Variants in RGS3 observed in about 807,000 individuals in gnomAD.
RGS3 encodes regulator of G protein signaling 3.
Under a neutral mutation model 132.6 loss-of-function variants are expected in RGS3, and 80 were observed. That is an observed-to-expected ratio of 0.60 (90% CI 0.50 to 0.73). The LOEUF (loss-of-function observed/expected upper bound fraction) is 0.73, where lower values mean the gene tolerates loss of function less well. Ranked by LOEUF, RGS3 falls within the 30% of genes least tolerant of loss-of-function variation. RGS3 has a pLI of 0.00. For synonymous variants in RGS3, 598 were observed against 620.6 expected (o/e 0.96, Z 0.54); for missense variants, 1,382 against 1,530.8 (o/e 0.90, Z 1.62).
chr9:113,501,352 C>T (rs925646206), intron 10 of RGS3: 10 of 1,254,606 alleles, frequency 8.0e-6, no homozygotes, highest in African/African-American at 1.5e-5. Flanking sequence ...ATAAAACTCT[C>T]CCTCTTCCTT....
upstream of RGS3, among the ~76,000 whole-genome samples, chr9:113,457,765 A>C (rs1008291243): frequency 1.3e-5 from 2 of 152,212 alleles, no homozygotes; most frequent in African/African-American, 4.8e-5. Context: ...CTGAAAGCAA[A>C]TGGTGGGCCA....
At chr9:113,466,575 G>A (rs533823706) in intron 3 of RGS3, among the ~76,000 whole-genome samples, 2 of 152,240 alleles carry the variant, frequency 1.3e-5, no homozygotes, top group African/African-American at 2.4e-5. Flanking sequence ...GCAAGCTGAG[G>A]CTAGGACCCA....
At chr9:113,538,191 G>A (rs900531589) in intron 19 of RGS3, among the ~76,000 whole-genome samples, 14 of 152,350 alleles carry the variant, frequency 9.2e-5, no homozygotes, top group South Asian at 2.1e-4. Context: ...CTGGTATGCA[G>A]TAGGCACTCA....
At position 113,492,535 on chromosome 9, in the gene RGS3, C is replaced by T. The variant is rs545662091; in HGVS notation, c.690-3251C>T. Among the ~76,000 whole-genome samples the T allele has an allele frequency of 7.4e-4, 112 of 152,244 alleles. 1 individual carries two copies. The highest frequency in any genetic ancestry group is 2.4e-3 in the African/African-American group (100 of 41,552). On this transcript the variant is annotated intron_variant, in intron 7 of 24. Coordinates refer to ENST00000350696, the Ensembl canonical transcript of RGS3. ...TTGCCCAGTGCCTGCCAACCGTGGA[C>T]GTGATGGATTCATCCATTTGTCAAG...
In RGS3 at chr9:113,575,475, G is replaced by C. The variant is rs1408342943; in HGVS notation, c.2038-7975G>C. Among the ~76,000 whole-genome samples, 3 of 152,248 alleles carry C rather than the reference G, an allele frequency of 2.0e-5. No homozygotes were observed. In the East Asian group the frequency reaches 5.8e-4, roughly 29 times the overall value. ...TCCTGCAGTGGGGCCTCTGTTTAGG[G>C]AACGTGAATGGGCAGCTGCCTCCAG... On this transcript the variant is annotated intron_variant, in intron 19 of 24. Transcript: ENST00000350696.
rs1381769881 is a variant in RGS3, at chr9:113,565,913, G to GTGTGTC, written c.2038-17534_2038-17533insGTCTGT. Among the ~76,000 whole-genome samples the GTGTGTC allele has an allele frequency of 5.9e-4, 85 of 144,512 alleles. No homozygotes were observed. Among genetic ancestry groups the GTGTGTC allele is most frequent in the African/African-American group, 1.8e-3 (71 of 38,552 alleles). The allele number at this position is 144,512 out of a possible 152,430, so 94.8% of individuals were successfully genotyped here. On this transcript the variant is annotated intron_variant, in intron 19 of 24. Coordinates refer to ENST00000350696, the Ensembl canonical transcript of RGS3. This position sits in a 1 kb window ranked among gnomAD's most constrained non-coding sequence, Gnocchi z 5.7. ...TGTGTGTGTGTGTGTGTGTGTGTGT[G>GTGTGTC]TGTCTGTCTGTCTGTCTGTCTCAGG...
intron 3 of RGS3, among the ~76,000 whole-genome samples, chr9:113,466,903 G>A (rs1829661375): frequency 6.6e-6 from 1 of 151,980 alleles, no homozygotes; most frequent in Admixed American, 6.5e-5. Context: ...CGAGCCCAAA[G>A]CAATTGCTAA....
At chr9:113,526,733 T>C (rs532518331) in intron 17 of RGS3, among the ~76,000 whole-genome samples, 30 of 152,308 alleles carry the variant, frequency 2.0e-4, no homozygotes, top group African/African-American at 6.0e-4. Flanking sequence ...CAGCCCGTGA[T>C]TGGGGATCCC....
chr9:113,540,103 C>T (rs535737747), intron 19 of RGS3, among the ~76,000 whole-genome samples: 17 of 152,052 alleles, frequency 1.1e-4, no homozygotes, highest in Admixed American at 9.2e-4. Context: ...TCATCACCCG[C>T]TCCTTCCTTT....
chr9:113,593,982 G>C (rs770238039), intron 21 of RGS3: 2 of 1,613,046 alleles, frequency 1.2e-6, no homozygotes, highest in Non-Finnish European at 1.7e-6. Flanking sequence ...CGGCCCCAGA[G>C]GCTGTCCCTT....
At chr9:113,523,770 G>A (rs147150137) in intron 17 of RGS3, among the ~76,000 whole-genome samples, 12 of 152,180 alleles carry the variant, frequency 7.9e-5, no homozygotes, top group Non-Finnish European at 1.6e-4. Flanking sequence ...CAACAGACCC[G>A]TTTGAGGATG....
chr9:113,590,784 C>T (rs913337338), intron 20 of RGS3, among the ~76,000 whole-genome samples: 17 of 152,086 alleles, frequency 1.1e-4, no homozygotes, highest in African/African-American at 3.6e-4. Context: ...TAGATCCAGT[C>T]GTGTTACGGA....
chr9:113,580,966 G>A, intron 19 of RGS3: 1 of 981,002 alleles, frequency 1.0e-6, no homozygotes, highest in Non-Finnish European at 1.2e-6. Flanking sequence ...AGGGCACCCG[G>A]TTGCTGCTTC....
intron 19 of RGS3, among the ~76,000 whole-genome samples, chr9:113,568,017 G>A (rs1323824797): frequency 6.6e-6 from 1 of 152,244 alleles, no homozygotes; most frequent in African/African-American, 2.4e-5. Flanking sequence ...TATTAGGTTG[G>A]TGTAAAAGCA....
chr9:113,537,446 TC>T lies in RGS3; in HGVS notation c.2037+531del, dbSNP rs1185369704. Among the ~76,000 whole-genome samples the T allele has an allele frequency of 6.6e-6, 1 of 152,060 alleles. No homozygotes were observed. Among genetic ancestry groups the T allele is most frequent in the Non-Finnish European group, 1.5e-5 (1 of 67,996 alleles). On this transcript the variant is annotated intron_variant, in intron 19 of 24. Coordinates refer to ENST00000350696, the Ensembl canonical transcript of RGS3. This position sits in a 1 kb window ranked among gnomAD's most constrained non-coding sequence, Gnocchi z 4.3. ...AGGAGCACCGGGGAAGATTAGAGAC[TC>T]CCAGGGGAGGCTGTTCTGGGCTGGG...
chr9:113,510,202 C>T (rs1216738607), intron 14 of RGS3, among the ~76,000 whole-genome samples: 1 of 152,162 alleles, frequency 6.6e-6, no homozygotes, highest in East Asian at 1.9e-4. Context: ...GTTTTCCATT[C>T]CTGAGTTACT....
At chr9:113,552,168 G>T (rs576577619) in intron 19 of RGS3, among the ~76,000 whole-genome samples, 77 of 151,806 alleles carry the variant, frequency 5.1e-4, no homozygotes, top group Non-Finnish European at 3.4e-4. Context: ...AATCAATTGG[G>T]AATTTACTTT....
chr9:113,496,041 T>C (rs962792766), intron 8 of RGS3, among the ~76,000 whole-genome samples, 195 bp downstream of exon 6: 2 of 152,170 alleles, frequency 1.3e-5, no homozygotes, highest in African/African-American at 4.8e-5. Context: ...GGTCCCCTTC[T>C]TGGTTTGTCT....
In RGS3 at chr9:113,506,567, T is replaced by A; in HGVS notation, c.1085+74T>A. ...CTCCCCACCCCTGGGCACACTGCCT[T>A]GCCTGGCCCAGCTCTTGCTGCTCCC... On this transcript the variant is annotated intron_variant, in intron 12 of 24. Transcript: ENST00000350696. This position sits in a 1 kb window ranked among gnomAD's most constrained non-coding sequence, Gnocchi z 4.7. 2 of 971,444 alleles carry A rather than the reference T, an allele frequency of 2.1e-6. No individual in the cohort carries two copies. The highest frequency in any genetic ancestry group is 3.2e-6 in the Non-Finnish European group (2 of 625,364). 60.2% of individuals were successfully genotyped at this position (971,444 alleles called of 1,614,324 possible).
Sources: gnomAD v4.1 joint callset for allele counts (sites outside exome capture counted in the v4.1 genomes callset) on GRCh38, gnomAD v4.1.1 for gene constraint, Gnocchi (gnomAD v3.1) non-coding constraint, MANE v1.5 for transcripts, NCBI Gene and HGNC (gene_info 2026-07-23, HGNC 2026-07-21) for gene names.